ELOVL3: variants seen among roughly 807,000 people sequenced by gnomAD.
ELOVL3 encodes the protein very long chain fatty acid elongase 3.
ELOVL3 carries 11 observed loss-of-function variants against 14.9 expected under a neutral mutation model. That is an observed-to-expected ratio of 0.74 (90% CI 0.46 to 1.22). The LOEUF (loss-of-function observed/expected upper bound fraction) is 1.22. ELOVL3 is among the 50% of genes most tolerant of loss of function. The pLI is 0.00. For synonymous variants in ELOVL3, 117 were observed against 124.7 expected, an observed-to-expected ratio of 0.94 and a Z score of 0.41; for missense variants, 277 against 338.9, an observed-to-expected ratio of 0.82 and a Z score of 1.43.
intron 2 of ELOVL3, 141 bp downstream of exon 2, chr10:102,227,898 G>A: frequency 3.1e-6 from 3 of 954,226 alleles, no homozygotes; most frequent in Non-Finnish European, 4.8e-6. Context: ...CTCGGCTTTA[G>A]TTCCCCTCCC....
At position 102,227,717 on chromosome 10, in the gene ELOVL3, G is replaced by A. The variant is rs150930565; in HGVS notation, c.193G>A (p.Gly65Arg). ...GGAACGCAAGGGCTTCAACCTGCAA[G>A]GGCCTCTCATCCTCTGGTCCTTCTG... ...MKERKGFNLQ[G>R]PLILWSFCLA... The change falls in exon 2 of 4, where the codon GGG becomes AGG. Residue 65 changes from glycine to arginine, a missense_variant. Physicochemically the swap from Gly to Arg is moderately radical, Grantham distance 125. Coordinates refer to ENST00000370005, the MANE Select transcript of ELOVL3 (RefSeq NM_152310.3). The A allele has an allele frequency of 1.9e-6, 3 of 1,613,624 alleles. No individual in the cohort carries two copies. The highest frequency in any genetic ancestry group is 2.5e-6 in the Non-Finnish European group (3 of 1,179,902).
upstream of ELOVL3, among the ~76,000 whole-genome samples, chr10:102,225,086 C>T (rs1005654010): frequency 2.0e-5 from 3 of 152,176 alleles, no homozygotes; most frequent in African/African-American, 7.2e-5. Context: ...AGTTGAGGCT[C>T]AGGAATCTGG....
In ELOVL3 at chr10:102,229,005, C is replaced by T; in HGVS notation, c.566C>T (p.Ala189Val). The T allele has an allele frequency of 1.9e-6, 3 of 1,614,184 alleles. No individual in the cohort carries two copies. The highest frequency in any genetic ancestry group is 2.5e-6 in the Non-Finnish European group (3 of 1,180,038). Residue 189 changes from alanine to valine, a missense_variant, in exon 4 of 4, where the codon GCT (alanine) becomes GTT (valine). Ala to Val is a moderately conservative substitution (Grantham distance 64). Coordinates refer to ENST00000370005, the MANE Select transcript of ELOVL3 (RefSeq NM_152310.3). ...AIMYTYYTLK[A>V]ANVKPPKMLP... ...ATGTACACCTACTACACTCTGAAGG[C>T]TGCCAACGTGAAGCCCCCCAAGATG... is the stretch of plus-strand genomic sequence containing the variant.
At chr10:102,225,249 A>G (rs2070128048), upstream of ELOVL3, among the ~76,000 whole-genome samples, 1 of 152,186 alleles carries the variant, frequency 6.6e-6, no homozygotes, top group Non-Finnish European at 1.5e-5. Flanking sequence ...AGTCACTTAG[A>G]TGGCACTGAT....
In ELOVL3 at chr10:102,229,271, G is replaced by C. The variant is rs766755887; in HGVS notation, c.*19G>C. ...CCAGTGAAGGTTTGGAGAGAACAAT[G>C]AAGCTCCAGGCTCTCTCTTCTCCAG... On this transcript the variant is annotated 3_prime_UTR_variant, in exon 4 of 4. Transcript: ENST00000370005. 5.8e-5 allele frequency: 92 copies of C among 1,585,520 alleles called. No homozygotes were observed. The highest frequency in any genetic ancestry group is 7.8e-5 in the Non-Finnish European group (91 of 1,163,646).
chr10:102,227,318 C>T (rs1031797854), intron 1 of ELOVL3, among the ~76,000 whole-genome samples: 3 of 152,128 alleles, frequency 2.0e-5, no homozygotes, highest in South Asian at 2.1e-4. Flanking sequence ...CTTCTAGGCG[C>T]GGGCCAGACA....
chr10:102,227,568 G>T, intron 1 of ELOVL3, 58 bp from the exon 2 acceptor site: 1 of 1,564,962 alleles, frequency 6.4e-7, no homozygotes, highest in Non-Finnish European at 8.7e-7. Flanking sequence ...GAGATGAGTG[G>T]GCATTTCTCT....
Position 102,226,467 on chromosome 10 carries a change from C to T in ELOVL3, c.-82C>T, listed in dbSNP as rs1205848972. 3.0e-6 allele frequency: 3 copies of T among 984,078 alleles called. No individual in the cohort carries two copies. The highest frequency in any genetic ancestry group is 4.8e-6 in the Non-Finnish European group (3 of 621,698). The allele number at this position is 984,078 out of a possible 1,614,324, so 61.0% of individuals were successfully genotyped here. On this transcript the variant is annotated 5_prime_UTR_variant, in exon 1 of 4. Coordinates refer to ENST00000370005, the MANE Select transcript of ELOVL3 (RefSeq NM_152310.3). ...TCTGTCCCGGCTCTGTTCCGTCTCG[C>T]CCCGAGGTTCACGCCATCCTCGGAG...
At chr10:102,227,969 T>A (rs1187771322) in intron 2 of ELOVL3, among the ~76,000 whole-genome samples, 2 of 152,142 alleles carry the variant, frequency 1.3e-5, no homozygotes, top group Non-Finnish European at 2.9e-5. Flanking sequence ...CCCTACCTGG[T>A]GGTCTCTGCT....
chr10:102,226,896 C>T (rs1195992765), intron 1 of ELOVL3, among the ~76,000 whole-genome samples: 1 of 151,900 alleles, frequency 6.6e-6, no homozygotes, highest in Non-Finnish European at 1.5e-5. Context: ...TCAAAGAGAG[C>T]GTGTAGTGAG....
rs2070134275 is a variant in ELOVL3, at chr10:102,226,303, G to T, written c.-246G>T. On this transcript the variant is annotated 5_prime_UTR_variant, in exon 1 of 4. Transcript: ENST00000370005. ...GAGATTGGATAGCGGCGGGGCGCAGGAAAGAGGTCGCGCCAGCCCGGGCAG... is the reference window on the plus strand; with the variant it reads ...GAGATTGGATAGCGGCGGGGCGCAGTAAAGAGGTCGCGCCAGCCCGGGCAG... 1 of 484,434 alleles carries T rather than the reference G, an allele frequency of 2.1e-6. No homozygotes were observed. The highest frequency in any genetic ancestry group is 3.7e-6 in the Non-Finnish European group (1 of 269,634). The allele number at this position is 484,434 out of a possible 1,614,324, so 30.0% of individuals were successfully genotyped here. A position where few individuals can be genotyped will look rare whatever the true frequency, so the allele number is the denominator to read the frequency against.
At position 102,226,470 on chromosome 10, in the gene ELOVL3, C is replaced by T; in HGVS notation, c.-79C>T. The T allele has an allele frequency of 2.0e-6, 2 of 1,020,610 alleles. No individual in the cohort carries two copies. Among genetic ancestry groups the T allele is most frequent in the Non-Finnish European group, 3.1e-6 (2 of 652,730 alleles). The allele number at this position is 1,020,610 out of a possible 1,614,324, so 63.2% of individuals were successfully genotyped here. A position where few individuals can be genotyped will look rare whatever the true frequency, so the allele number is the denominator to read the frequency against. ...GTCCCGGCTCTGTTCCGTCTCGCCC[C>T]GAGGTTCACGCCATCCTCGGAGCCC... is the stretch of plus-strand genomic sequence containing the variant. On this transcript the variant is annotated 5_prime_UTR_variant, in exon 1 of 4. Coordinates refer to ENST00000370005, the MANE Select transcript of ELOVL3 (RefSeq NM_152310.3).
chr10:102,225,195 A>G (rs2070127663), upstream of ELOVL3, among the ~76,000 whole-genome samples: 1 of 152,210 alleles, frequency 6.6e-6, no homozygotes, highest in Admixed American at 6.5e-5. Context: ...TAACGTGACC[A>G]GGTGAGAAGT....
At chr10:102,228,360 G>T (rs539223500) in intron 2 of ELOVL3, 57 bp from the exon 3 acceptor site, 1 of 1,579,856 alleles carries the variant, frequency 6.3e-7, no homozygotes, top group Non-Finnish European at 8.6e-7. Context: ...CGGGGGAAGG[G>T]TGGATTATTG....
Position 102,226,675 on chromosome 10 carries a change from C to CATGCCAGGG in ELOVL3, c.101+27_101+35dup, listed in dbSNP as rs1564989296. ...GTGAGACTTTGGGAGAGGGAAAGGCCATGCCAGGGCCCCGGGGCCGGGGCG... is the reference window on the plus strand; with the variant it reads ...GTGAGACTTTGGGAGAGGGAAAGGCCATGCCAGGGATGCCAGGGCCCCGGGGCCGGGGCG... On this transcript the variant is annotated intron_variant, in intron 1 of 3. Transcript: ENST00000370005. 3.2e-6 allele frequency: 5 copies of CATGCCAGGG among 1,575,768 alleles called. No homozygotes were observed. In the East Asian group the frequency reaches 1.1e-4, roughly 35 times the overall value.
chr10:102,228,572 A>T lies in ELOVL3; in HGVS notation c.385+4A>T. The T allele has an allele frequency of 6.2e-7, 1 of 1,613,894 alleles. No homozygotes were observed. Among genetic ancestry groups the T allele is most frequent in the South Asian group, 1.1e-5 (1 of 91,052 alleles). On this transcript the variant is annotated splice_donor_region_variant and intron_variant, in intron 3 of 3. Coordinates refer to ENST00000370005, the MANE Select transcript of ELOVL3 (RefSeq NM_152310.3). The stretch of plus-strand genomic sequence containing the variant: ...CTCAGCAAGGTCATAGAACTCGGTG[A>T]GTGGCAAAGCTTTGTCTTTCTGGTG...
intron 2 of ELOVL3, 100 bp from the exon 3 acceptor site, chr10:102,228,316 TG>T: frequency 7.8e-7 from 1 of 1,280,484 alleles, no homozygotes; most frequent in Non-Finnish European, 1.1e-6. Flanking sequence ...GGTGGGGAGG[TG>T]GTAGAGCTTG....
At chr10:102,227,871 A>T (rs2070151750) in intron 2 of ELOVL3, 114 bp downstream of exon 2, 2 of 1,184,730 alleles carry the variant, frequency 1.7e-6, no homozygotes, top group Admixed American at 3.9e-5. Context: ...GCCTTGTAAC[A>T]CTCTCCCCAT....
intron 2 of ELOVL3, 121 bp from the exon 3 acceptor site, chr10:102,228,296 C>T (rs10748817): frequency 1.9e-5 from 20 of 1,040,838 alleles, no homozygotes; most frequent in Non-Finnish European, 2.8e-5. Flanking sequence ...TGACCCACCC[C>T]CTGTGGACAG....
Sources: allele counts gnomAD v4.1 joint callset (sites outside exome capture counted in the v4.1 genomes callset), GRCh38; gene constraint gnomAD v4.1.1; transcripts MANE v1.5; gene names NCBI Gene and HGNC (gene_info 2026-07-23, HGNC 2026-07-21).